EPHA5: variants seen among roughly 807,000 people sequenced by gnomAD.
EPHA5 encodes ephrin type-A receptor 5.
A neutral mutation model predicts 105.0 loss-of-function variants in EPHA5; 60 were observed. The observed-to-expected ratio is 0.57, with a 90% CI of 0.46 to 0.71. The LOEUF (loss-of-function observed/expected upper bound fraction) is 0.71. Ranked by LOEUF, EPHA5 falls within the 30% of genes least tolerant of loss-of-function variation. The probability of loss-of-function intolerance (pLI) is 0.00; values close to 1 mark genes in which losing one functional copy is unlikely to be tolerated. For synonymous variants in EPHA5, 513 were observed against 449.1 expected, an observed-to-expected ratio of 1.14 and a Z score of -1.80; for missense variants, 1,218 against 1,274.7, an observed-to-expected ratio of 0.96 and a Z score of 0.68.
intron 8 of EPHA5, among the ~76,000 whole-genome samples, chr4:65,391,798 C>T (rs991155647): frequency 6.6e-6 from 1 of 152,108 alleles, no homozygotes; most frequent in Non-Finnish European, 1.5e-5. Context: ...GTGTATTTTG[C>T]TCTTGTGGTT....
intron 2 of EPHA5, among the ~76,000 whole-genome samples, chr4:65,610,647 A>G (rs1203834088): frequency 6.6e-6 from 1 of 152,224 alleles, no homozygotes; most frequent in Non-Finnish European, 1.5e-5. Context: ...TAAAAGAATG[A>G]GCAAACTAGG....
chr4:65,487,783 G>A (rs1337483898), intron 5 of EPHA5, among the ~76,000 whole-genome samples: 1 of 152,090 alleles, frequency 6.6e-6, no homozygotes, highest in Non-Finnish European at 1.5e-5. Context: ...GCTGATTTGA[G>A]TAATAATAAA....
intron 3 of EPHA5, among the ~76,000 whole-genome samples, chr4:65,498,901 A>G (rs1355121965): frequency 6.6e-6 from 1 of 151,650 alleles, no homozygotes; most frequent in Admixed American, 6.6e-5. Flanking sequence ...CATGACCCTA[A>G]ATTCCAAGGG....
rs1000746754 is a variant in EPHA5, at chr4:65,465,498, A to G, written c.1402+24879T>C. Among the ~76,000 whole-genome samples, 11 of 120,336 alleles carry G rather than the reference A, an allele frequency of 9.1e-5. 1 individual carries two copies. The highest frequency in any genetic ancestry group is 1.7e-4 in the Non-Finnish European group (9 of 54,258). 78.9% of individuals were successfully genotyped at this position (120,336 alleles called of 152,430 possible). Reference sequence around the variant, plus strand: ...AAGAAAGAAAGAAAGAAAGAAAGAAAGAAAGAAAGAAAGAAAGAAAGAAAG... The same window carrying G: ...AAGAAAGAAAGAAAGAAAGAAAGAAGGAAAGAAAGAAAGAAAGAAAGAAAG... On this transcript the variant is annotated intron_variant, in intron 5 of 16. Transcript: ENST00000613740.
At position 65,490,409 on chromosome 4, in the gene EPHA5, T is replaced by C; in HGVS notation, c.1370A>G (p.Tyr457Cys). The C allele has an allele frequency of 6.2e-7, 1 of 1,614,128 alleles. No individual in the cohort carries two copies. The highest frequency in any genetic ancestry group is 1.1e-5 in the South Asian group (1 of 91,082). Residue 457 changes from tyrosine (Y) to cysteine (C), a missense_variant, in exon 5 of 17, where the codon TAT (tyrosine) becomes TGT (cysteine). Around this residue, in one of 3 missense-constraint regions of EPHA5, gnomAD observed 971 missense variants for 1,013.5 expected, o/e 0.96. Coordinates refer to ENST00000613740, the MANE Select transcript of EPHA5 (RefSeq NM_001281766.3). ...VSDLSPGARQ[Y>C]VSVNVTTNQA... ...ATTTGTGGTTACATTTACAGACACA[T>C]ACTGCCGGGCTCCTGGGCTCAAGTC...
At chr4:65,377,121 G>A (rs2148920627) in intron 8 of EPHA5, 2 of 1,490,696 alleles carry the variant, frequency 1.3e-6, no homozygotes, top group Non-Finnish European at 1.8e-6. Flanking sequence ...CTCAAATATA[G>A]CATAAAGACA....
rs1735813420 is a variant in EPHA5 at position 65,531,687 on chromosome 4, T to C, written c.911-36144A>G. ...TGATCATAAAGAGGATATACTGAGA[T>C]GTCTTTGCAGAATGACCATGATCCA... On this transcript the variant is annotated intron_variant, in intron 3 of 16. Coordinates refer to ENST00000613740, the MANE Select transcript of EPHA5 (RefSeq NM_001281766.3). Among the ~76,000 whole-genome samples the C allele has an allele frequency of 3.3e-5, 5 of 152,034 alleles. No homozygotes were observed. In the South Asian group the frequency reaches 1.0e-3, roughly 32 times the overall value.
At chr4:65,562,408 T>C (rs538353559) in intron 3 of EPHA5, among the ~76,000 whole-genome samples, 1 of 152,170 alleles carries the variant, frequency 6.6e-6, no homozygotes, top group African/African-American at 2.4e-5. Context: ...TTTGCAGACC[T>C]TTAGGTAAGC....
intron 3 of EPHA5, among the ~76,000 whole-genome samples, chr4:65,531,006 AT>A (rs143470462): frequency 0.21 from 30,600 of 147,000 alleles, 3,367 homozygotes; most frequent in Non-Finnish European, 0.22. Flanking sequence ...ATTTTTTTTT[AT>A]TTTTTTTATT....
At position 65,414,445 on chromosome 4, in the gene EPHA5, T is replaced by C. The variant is rs2149020801; in HGVS notation, c.1528-2A>G. The C allele has an allele frequency of 6.2e-7, 1 of 1,613,780 alleles. No homozygotes were observed. Among genetic ancestry groups the C allele is most frequent in the Non-Finnish European group, 8.5e-7 (1 of 1,179,774 alleles). Reference sequence around the variant, plus strand: ...AATCGTGTAGCTGGTCTCTTGGTCCTTGGGATGCGCATGCATATACAATAA... The same window carrying C: ...AATCGTGTAGCTGGTCTCTTGGTCCCTGGGATGCGCATGCATATACAATAA... On this transcript the variant is annotated splice_acceptor_variant, in intron 6 of 16. Transcript: ENST00000613740. LOFTEE classifies it high-confidence loss of function.
chr4:65,635,581 A>C (rs1747046259), intron 2 of EPHA5, among the ~76,000 whole-genome samples: 1 of 152,242 alleles, frequency 6.6e-6, no homozygotes, highest in East Asian at 1.9e-4. Flanking sequence ...TTGTGATCTT[A>C]CATAACAACA....
intron 3 of EPHA5, among the ~76,000 whole-genome samples, chr4:65,570,930 G>C (rs1740101109): frequency 6.6e-6 from 1 of 151,954 alleles, no homozygotes. Flanking sequence ...ATGATGTCAT[G>C]GGTTCTGGAA....
intron 2 of EPHA5, among the ~76,000 whole-genome samples, chr4:65,639,456 T>C (rs1223497470): frequency 1.3e-5 from 2 of 152,202 alleles, no homozygotes; most frequent in Non-Finnish European, 2.9e-5. Flanking sequence ...AAATTAGCTG[T>C]GCAAAGTACT....
At chr4:65,539,292 A>C (rs1456706415) in intron 3 of EPHA5, among the ~76,000 whole-genome samples, 2 of 151,722 alleles carry the variant, frequency 1.3e-5, no homozygotes, top group African/African-American at 4.8e-5. Context: ...AGATGATTAA[A>C]ATTCTTAAAA....
At chr4:65,516,844 C>A (rs1485730666) in intron 3 of EPHA5, among the ~76,000 whole-genome samples, 3 of 151,958 alleles carry the variant, frequency 2.0e-5, no homozygotes, top group African/African-American at 7.2e-5. Context: ...CCATTGTGGT[C>A]AGAAGTTACA....
chr4:65,415,006 A>G (rs1723256558), intron 6 of EPHA5, among the ~76,000 whole-genome samples: 2 of 152,220 alleles, frequency 1.3e-5, no homozygotes, highest in African/African-American at 4.8e-5. Context: ...AAATGCAGAT[A>G]AGCAAAACGT....
At chr4:65,352,208 A>G (rs1239437666) in intron 12 of EPHA5, among the ~76,000 whole-genome samples, 1 of 152,058 alleles carries the variant, frequency 6.6e-6, no homozygotes, top group Admixed American at 6.6e-5. Context: ...AGGTATGGTT[A>G]GAAAATTTGA....
At chr4:65,567,726 G>T (rs565934079) in intron 3 of EPHA5, among the ~76,000 whole-genome samples, 8 of 151,590 alleles carry the variant, frequency 5.3e-5, no homozygotes, top group Non-Finnish European at 8.9e-5. Flanking sequence ...CAAAGTGCTT[G>T]AGTAGTATGT....
intron 5 of EPHA5, among the ~76,000 whole-genome samples, chr4:65,450,737 A>G (rs1726984952): frequency 6.6e-6 from 1 of 152,174 alleles, no homozygotes; most frequent in Non-Finnish European, 1.5e-5. Context: ...GAAGTCACCT[A>G]CGCATTGACT....
Sources: gnomAD v4.1 joint callset for allele counts (sites outside exome capture counted in the v4.1 genomes callset) on GRCh38, gnomAD v4.1.1 for gene constraint, gnomAD v4.1.1 regional missense constraint, MANE v1.5 for transcripts, NCBI Gene and HGNC (gene_info 2026-07-23, HGNC 2026-07-21) for gene names.